Variants in ZNF562 observed in about 807,000 individuals in gnomAD.
The protein encoded by ZNF562 is zinc finger protein 562.
ZNF562 carries 13 observed loss-of-function variants against 17.5 expected under a neutral mutation model. That is an observed-to-expected ratio of 0.74 (90% confidence interval 0.48 to 1.18). The LOEUF is 1.18. Ranked by LOEUF, ZNF562 falls within the 50% of genes most tolerant of loss-of-function variation. The pLI, the probability that ZNF562 is intolerant of heterozygous loss-of-function variation, is 0.00. For synonymous variants in ZNF562, 163 were observed against 165.4 expected (o/e 0.99, Z 0.11); for missense variants, 481 against 498.5 (o/e 0.96, Z 0.33).
At chr19:9,662,901 C>A (rs2043809337) in intron 1 of ZNF562, among the ~76,000 whole-genome samples, 1 of 151,764 alleles carries the variant, frequency 6.6e-6, no homozygotes, top group Admixed American at 6.6e-5. Flanking sequence ...GTAGTCCAAC[C>A]TACTCAGGAG....
chr19:9,667,802 C>T (rs533286396), intron 1 of ZNF562, among the ~76,000 whole-genome samples: 1 of 151,892 alleles, frequency 6.6e-6, no homozygotes, highest in South Asian at 2.1e-4. Context: ...AATATATTAC[C>T]CAGGCTGACC....
chr19:9,674,081 G>A (rs1264075060), intron 1 of ZNF562, among the ~76,000 whole-genome samples: 1 of 152,238 alleles, frequency 6.6e-6, no homozygotes, highest in East Asian at 1.9e-4. Context: ...TTATTCTTGA[G>A]GAAAGTGGCC....
chr19:9,663,479 A>G (rs66880218), intron 1 of ZNF562, among the ~76,000 whole-genome samples: 16,069 of 151,640 alleles, frequency 0.11, 1,219 homozygotes, highest in African/African-American at 0.2. Flanking sequence ...TCCAGACTGC[A>G]TAAATTTTCC....
At chr19:9,659,534 C>T (rs747828416) in intron 2 of ZNF562, 67 bp from the exon 3 acceptor site, 43 of 1,511,286 alleles carry the variant, frequency 2.8e-5, no homozygotes, top group Non-Finnish European at 8.0e-6. Flanking sequence ...GAAGTCATTC[C>T]ATCCTAGCTT....
intron 5 of ZNF562, among the ~76,000 whole-genome samples, chr19:9,655,904 G>C (rs1451186600): frequency 6.6e-6 from 1 of 151,108 alleles, no homozygotes; most frequent in Non-Finnish European, 1.5e-5. Context: ...AGCTAATTTT[G>C]TATTTTTAGT....
At position 9,648,732 on chromosome 19, in the gene ZNF562, G is replaced by A. The variant is rs2074828807; in HGVS notation, c.*4217C>T. On this transcript the variant is annotated 3_prime_UTR_variant, in exon 6 of 6. Transcript: ENST00000453372. ...TGCCTAAGCTGGTCTAGAACCCCTG[G>A]GCTCAGGCCACCCTCCCAAGTAGCT... is the stretch of plus-strand genomic sequence containing the variant. The A allele has an allele frequency of 6.6e-6, 1 of 151,286 alleles. No homozygotes were observed. Among genetic ancestry groups the A allele is most frequent in the Non-Finnish European group, 1.5e-5 (1 of 67,882 alleles). The allele number at this position is 151,286 out of a possible 1,614,324, so 9.4% of individuals were successfully genotyped here.
chr19:9,668,183 C>G (rs929353365), intron 1 of ZNF562, among the ~76,000 whole-genome samples: 5 of 151,936 alleles, frequency 3.3e-5, no homozygotes, highest in Non-Finnish European at 7.4e-5. Flanking sequence ...CAAGACCAGC[C>G]TGGGCAACAT....
intron 1 of ZNF562, among the ~76,000 whole-genome samples, chr19:9,671,391 AAT>A (rs2044192429): frequency 2.0e-5 from 3 of 152,084 alleles, no homozygotes; most frequent in African/African-American, 7.2e-5. Flanking sequence ...TACTGCACCT[AAT>A]ACCACCTACC....
Position 9,651,808 on chromosome 19 carries a change from C to T in ZNF562, c.*1141G>A, listed in dbSNP as rs2074870827. On this transcript the variant is annotated 3_prime_UTR_variant, in exon 6 of 6. Transcript: ENST00000453372. ...ACTGTCAATAAATATGTGGGTCAAA[C>T]TCTGTTCAAGCTCAGCTCTGAAGGC... The T allele has an allele frequency of 6.7e-6, 1 of 149,198 alleles. No individual in the cohort carries two copies. Among genetic ancestry groups the T allele is most frequent in the Non-Finnish European group, 1.5e-5 (1 of 67,720 alleles). The allele number at this position is 149,198 out of a possible 1,614,324, so 9.2% of individuals were successfully genotyped here.
intron 1 of ZNF562, among the ~76,000 whole-genome samples, chr19:9,667,546 G>A (rs887360201): frequency 2.0e-5 from 3 of 152,044 alleles, no homozygotes; most frequent in Non-Finnish European, 2.9e-5. Context: ...CAAATAAAGG[G>A]CATCTCAACT....
intron 1 of ZNF562, among the ~76,000 whole-genome samples, chr19:9,664,591 T>A (rs1444344423): frequency 1.3e-5 from 2 of 152,224 alleles, no homozygotes; most frequent in East Asian, 3.8e-4. Flanking sequence ...CGGTTTGGCT[T>A]ATGGATGTAA....
At chr19:9,657,187 G>C (rs962676371) in intron 4 of ZNF562, among the ~76,000 whole-genome samples, 3 of 151,684 alleles carry the variant, frequency 2.0e-5, no homozygotes, top group Non-Finnish European at 4.4e-5. Context: ...CAACTGATGG[G>C]GAACAGGAAG....
intron 1 of ZNF562, among the ~76,000 whole-genome samples, chr19:9,667,402 C>T (rs774888492): frequency 2.0e-5 from 3 of 152,178 alleles, no homozygotes; most frequent in African/African-American, 4.8e-5. Context: ...ACACCCACGT[C>T]CAACATCATA....
intron 3 of ZNF562, 22 bp downstream of exon 3, chr19:9,659,357 C>T (rs1259583863): frequency 6.5e-7 from 1 of 1,542,870 alleles, no homozygotes; most frequent in African/African-American, 1.4e-5. Flanking sequence ...TCATTTTGTA[C>T]AACGGTACAT....
At position 9,645,641 on chromosome 19, in the gene ZNF562, T is replaced by C. The variant is rs1219823782; in HGVS notation, c.*7308A>G. The C allele has an allele frequency of 6.6e-6, 1 of 152,184 alleles. No homozygotes were observed. The highest frequency in any genetic ancestry group is 2.4e-5 in the African/African-American group (1 of 41,444). 9.4% of individuals were successfully genotyped at this position (152,184 alleles called of 1,614,324 possible). A position where few individuals can be genotyped will look rare whatever the true frequency, so the allele number is the denominator to read the frequency against. Reference sequence around the variant, plus strand: ...CTTCAGAGAGTAATCTCAAGACATCTGTAATCTACCACAGGGTGTCACTGG... The same window carrying C: ...CTTCAGAGAGTAATCTCAAGACATCCGTAATCTACCACAGGGTGTCACTGG... On this transcript the variant is annotated 3_prime_UTR_variant, in exon 6 of 6. Coordinates refer to ENST00000453372, the MANE Select transcript of ZNF562 (RefSeq NM_001130031.2).
At chr19:9,666,619 A>G (rs911456257) in intron 1 of ZNF562, among the ~76,000 whole-genome samples, 1 of 152,112 alleles carries the variant, frequency 6.6e-6, no homozygotes. Flanking sequence ...TGATTACTTG[A>G]AAAGATAAAC....
intron 1 of ZNF562, among the ~76,000 whole-genome samples, chr19:9,663,756 A>G (rs2043846372): frequency 6.6e-6 from 1 of 151,466 alleles, no homozygotes; most frequent in Admixed American, 6.6e-5. Context: ...GGCTCACTGC[A>G]GCCGCCGCCT....
At chr19:9,653,994 T>TG (rs1473680464) in intron 5 of ZNF562, 113 bp from the exon 6 acceptor site, 2 of 989,348 alleles carry the variant, frequency 2.0e-6, no homozygotes, top group African/African-American at 3.6e-5. Flanking sequence ...AATGTTTAAT[T>TG]TTTTTTTTTT....
chr19:9,654,013 CAG>C (rs1279886923), intron 5 of ZNF562, 132 bp from the exon 6 acceptor site: 6 of 968,842 alleles, frequency 6.2e-6, no homozygotes, highest in Non-Finnish European at 8.3e-6. Context: ...TTTTTTGAGA[CAG>C]AGTCTTGTTC....
Sources: allele counts gnomAD v4.1 joint callset (sites outside exome capture counted in the v4.1 genomes callset), GRCh38; gene constraint gnomAD v4.1.1; transcripts MANE v1.5; gene names NCBI Gene and HGNC (gene_info 2026-07-23, HGNC 2026-07-21).